The following EYS variants were observed in gnomAD, a reference collection of about 807,000 sequenced individuals.
The protein encoded by EYS is protein eyes shut homolog.
In EYS, 250 loss-of-function variants were observed where a neutral mutation model predicts 282.1. The ratio of observed to expected loss-of-function variants is 0.89; its 90% confidence interval spans 0.80 to 0.98. The LOEUF is 0.98. Ranked by LOEUF, EYS falls within the 50% of genes least tolerant of loss-of-function variation. The pLI is 0.00. For synonymous variants in EYS, 1,355 were observed against 1,282.9 expected, an observed-to-expected ratio of 1.06 and a Z score of -1.20; for missense variants, 4,016 against 3,709.0, an observed-to-expected ratio of 1.08 and a Z score of -2.15.
chr6:65,381,149 A>T (rs979732694), intron 8 of EYS, among the ~76,000 whole-genome samples: 132 of 152,172 alleles, frequency 8.7e-4, no homozygotes, highest in African/African-American at 3.1e-3. Context: ...TCATTCTACT[A>T]TAAAGAAGCA....
chr6:65,424,694 T>A (rs1767595698), intron 5 of EYS, among the ~76,000 whole-genome samples: 1 of 152,070 alleles, frequency 6.6e-6, no homozygotes, highest in Non-Finnish European at 1.5e-5. Context: ...CTCAGAAATA[T>A]TTAAATATTC....
At chr6:65,212,006 A>T (rs2150252671) in intron 12 of EYS, among the ~76,000 whole-genome samples, 1 of 152,210 alleles carries the variant, frequency 6.6e-6, no homozygotes, top group South Asian at 2.1e-4. Flanking sequence ...CACTGTGATT[A>T]TGGAAAACAC....
chr6:63,721,045 C>T lies in EYS; in HGVS notation c.8986G>A (p.Val2996Ile). Reference sequence around the variant, plus strand: ...TCATTTTGAGCTATTCCCATCCATACAATTAGACCTTCTGTTTTAGTGGTA... The same window carrying T: ...TCATTTTGAGCTATTCCCATCCATATAATTAGACCTTCTGTTTTAGTGGTA... ...FSTTKTEGLI[V>I]WMGIAQNEEN... Residue 2996 changes from valine to isoleucine, a missense_variant, in exon 43 of 43, where the codon GTA (valine) becomes ATA (isoleucine). Transcript: ENST00000503581. 6.4e-7 allele frequency: 1 copy of T among 1,551,314 alleles called. No individual in the cohort carries two copies. The highest frequency in any genetic ancestry group is 8.7e-7 in the Non-Finnish European group (1 of 1,146,786).
intron 12 of EYS, among the ~76,000 whole-genome samples, chr6:65,153,454 G>T (rs1415566069): frequency 1.4e-5 from 2 of 147,936 alleles, no homozygotes; most frequent in Non-Finnish European, 3.0e-5. Context: ...TGCAGCAATA[G>T]ATAAATATTA....
intron 39 of EYS, among the ~76,000 whole-genome samples, chr6:63,781,259 A>T (rs1475037564): frequency 6.6e-6 from 1 of 152,164 alleles, no homozygotes; most frequent in Non-Finnish European, 1.5e-5. Context: ...TATGAACTTT[A>T]AAGTAGTTTT....
intron 5 of EYS, among the ~76,000 whole-genome samples, chr6:65,466,404 C>T (rs1700070597): frequency 6.6e-6 from 1 of 151,748 alleles, no homozygotes; most frequent in African/African-American, 2.4e-5. Context: ...TAATATGTAC[C>T]ATTTATTAGA....
At position 64,696,231 on chromosome 6, in the gene EYS, G is replaced by A. The variant is rs114289109; in HGVS notation, c.3444-69986C>T. 6.9e-3 allele frequency among the ~76,000 whole-genome samples: 1,058 copies of A among 152,234 alleles called. 4 individuals carry two copies. The highest frequency in any genetic ancestry group is 9.2e-3 in the Non-Finnish European group (629 of 68,008). On this transcript the variant is annotated intron_variant, in intron 22 of 42. Transcript: ENST00000503581. ...AAAGAATTACAAAATACATTTGAAAGCTTCAACAGTAGAATAGACCGAGCA... is the reference window on the plus strand; with the variant it reads ...AAAGAATTACAAAATACATTTGAAAACTTCAACAGTAGAATAGACCGAGCA...
chr6:65,396,383 C>T (rs1254873942), intron 7 of EYS, among the ~76,000 whole-genome samples: 1 of 152,036 alleles, frequency 6.6e-6, no homozygotes, highest in Admixed American at 6.6e-5. Context: ...GTCCTTTTCT[C>T]CCCCAACGTT....
At chr6:65,675,721 A>C (rs573443978) in intron 1 of EYS, among the ~76,000 whole-genome samples, 2 of 151,992 alleles carry the variant, frequency 1.3e-5, no homozygotes, top group East Asian at 3.9e-4. Flanking sequence ...GGAATAAGAG[A>C]GCTTGAACAA....
Position 65,563,153 on chromosome 6 carries a change from C to T in EYS, c.-332-67160G>A, listed in dbSNP as rs528598523. Among the ~76,000 whole-genome samples, 67 of 152,162 alleles carry T rather than the reference C, an allele frequency of 4.4e-4. 1 individual carries two copies. The South Asian group carries it at 8.3e-3, about 19-fold the overall frequency. On this transcript the variant is annotated intron_variant, in intron 2 of 42. Transcript: ENST00000503581. ...TGTTCAAACAATTATATAACAAGCC[C>T]TGGCTTGTGAGACAATCTTGAATTT...
chr6:65,329,887 G>C, intron 11 of EYS: 1 of 980,460 alleles, frequency 1.0e-6, no homozygotes, highest in Non-Finnish European at 1.2e-6. Context: ...TTTTCTTATG[G>C]ACTTTTAGAT....
At chr6:63,943,957 A>G (rs1765315475) in intron 35 of EYS, among the ~76,000 whole-genome samples, 2 of 152,316 alleles carry the variant, frequency 1.3e-5, no homozygotes, top group South Asian at 2.1e-4. Flanking sequence ...TTTGTCCTGG[A>G]TCACATGCTG....
intron 2 of EYS, among the ~76,000 whole-genome samples, chr6:65,603,704 A>T (rs1025470779): frequency 3.9e-5 from 6 of 151,922 alleles, no homozygotes; most frequent in African/African-American, 1.4e-4. Context: ...CTTAATGAGC[A>T]TTATGAAAAA....
chr6:65,697,441 T>A (rs1017645062), intron 1 of EYS, among the ~76,000 whole-genome samples: 3 of 152,084 alleles, frequency 2.0e-5, no homozygotes, highest in African/African-American at 7.2e-5. Context: ...TTTGTGCAGG[T>A]AGTCTTTCAG....
chr6:65,670,567 C>A (rs1191185819), intron 1 of EYS, among the ~76,000 whole-genome samples: 1 of 151,976 alleles, frequency 6.6e-6, no homozygotes, highest in African/African-American at 2.4e-5. Context: ...CTGGGTTAAT[C>A]ATCCAAACTC....
At chr6:65,292,337 C>A (rs1346086647) in intron 12 of EYS, among the ~76,000 whole-genome samples, 1 of 151,656 alleles carries the variant, frequency 6.6e-6, no homozygotes. Context: ...GAGGTCTTAA[C>A]AGAATTGGTG....
intron 36 of EYS, among the ~76,000 whole-genome samples, chr6:63,849,143 C>T (rs907640773): frequency 9.8e-5 from 15 of 152,318 alleles, no homozygotes; most frequent in Admixed American, 7.8e-4. Flanking sequence ...CTAGATTCCT[C>T]CTCTCTGGGC....
At chr6:65,322,861 T>G (rs1769514927) in intron 11 of EYS, among the ~76,000 whole-genome samples, 1 of 150,388 alleles carries the variant, frequency 6.6e-6, no homozygotes, top group South Asian at 2.1e-4. Flanking sequence ...GCTCACTGGT[T>G]CCAATGTGTT....
At chr6:64,310,084 C>T (rs9451287) in intron 29 of EYS, among the ~76,000 whole-genome samples, 86,487 of 144,010 alleles carry the variant, frequency 0.6, 26,320 homozygotes, top group Non-Finnish European at 0.67. Context: ...AAAAAAATAA[C>T]AGATGCTGGC....
Sources: allele counts gnomAD v4.1 joint callset (sites outside exome capture counted in the v4.1 genomes callset), GRCh38; gene constraint gnomAD v4.1.1; transcripts MANE v1.5; gene names NCBI Gene and HGNC (gene_info 2026-07-23, HGNC 2026-07-21).